CADM2: variants seen among roughly 807,000 people sequenced by gnomAD.
The protein encoded by CADM2 is cell adhesion molecule 2, also known as immunoglobulin superfamily member 4D.
Under a neutral mutation model 49.8 loss-of-function variants are expected in CADM2, and 12 were observed. The ratio of observed to expected loss-of-function variants is 0.24; its 90% CI spans 0.15 to 0.39. The LOEUF (loss-of-function observed/expected upper bound fraction) is 0.39. Among genes scored for constraint, CADM2 ranks in the 10% least tolerant of loss-of-function variants. The probability of loss-of-function intolerance (pLI) is 1.00; values close to 1 mark genes in which losing one functional copy is unlikely to be tolerated. For missense variants in CADM2, 378 were observed against 492.3 expected (o/e 0.77, Z 2.20); for synonymous variants, 214 against 175.4 (o/e 1.22, Z -1.74).
At chr3:85,123,702 C>T (rs1233376060) in intron 1 of CADM2, among the ~76,000 whole-genome samples, 1 of 151,998 alleles carries the variant, frequency 6.6e-6, no homozygotes, top group East Asian at 1.9e-4. Context: ...TATATATGTG[C>T]ACACACATAC....
chr3:85,282,356 G>A (rs1441937534), intron 1 of CADM2, among the ~76,000 whole-genome samples: 2 of 144,614 alleles, frequency 1.4e-5, no homozygotes, highest in Non-Finnish European at 3.0e-5. Context: ...CCACCTCTCT[G>A]GGTCAAGTGA....
chr3:85,305,339 T>C (rs2044188001), intron 1 of CADM2, among the ~76,000 whole-genome samples: 1 of 151,666 alleles, frequency 6.6e-6, no homozygotes, highest in East Asian at 1.9e-4. Flanking sequence ...CACATTACTC[T>C]TCTCTTTCTG....
At chr3:86,039,112 C>T (rs933231227) in intron 8 of CADM2, among the ~76,000 whole-genome samples, 9 of 152,218 alleles carry the variant, frequency 5.9e-5, no homozygotes, top group Admixed American at 3.3e-4. Flanking sequence ...CAAATAGGAA[C>T]AGCTCCAGTC....
At chr3:85,465,857 T>C (rs1420434529) in intron 1 of CADM2, among the ~76,000 whole-genome samples, 1 of 152,190 alleles carries the variant, frequency 6.6e-6, no homozygotes, top group Non-Finnish European at 1.5e-5. Context: ...GATGTTTATC[T>C]AAGCGCAGGA....
chr3:85,534,205 ATGTTAATGTT>A (rs763208684), intron 1 of CADM2, among the ~76,000 whole-genome samples: 6 of 152,172 alleles, frequency 3.9e-5, no homozygotes, highest in Admixed American at 2.0e-4. Context: ...ATTTCTTGGA[ATGTTAATGTT>A]TCCCTTAACT....
intron 2 of CADM2, among the ~76,000 whole-genome samples, chr3:85,766,246 T>C (rs905777244): frequency 7.9e-5 from 12 of 152,146 alleles, no homozygotes; most frequent in Admixed American, 7.9e-4. Flanking sequence ...AGGTGTATAA[T>C]GTACCTAGAG....
intron 1 of CADM2, among the ~76,000 whole-genome samples, chr3:85,122,549 T>A (rs1223375218): frequency 2.0e-5 from 3 of 152,170 alleles, no homozygotes; most frequent in Non-Finnish European, 4.4e-5. Flanking sequence ...ATATCTGTTT[T>A]TGAGTTTTAG....
intron 6 of CADM2, among the ~76,000 whole-genome samples, chr3:85,924,725 A>G (rs1719606391): frequency 6.6e-6 from 1 of 152,134 alleles, no homozygotes; most frequent in Admixed American, 6.5e-5. Context: ...CAACTTTATG[A>G]TAGAGACACA....
At chr3:85,452,570 C>T (rs1011234690) in intron 1 of CADM2, among the ~76,000 whole-genome samples, 3 of 151,758 alleles carry the variant, frequency 2.0e-5, no homozygotes, top group Non-Finnish European at 4.4e-5. Flanking sequence ...AAAACAACAA[C>T]AACAACAACA....
intron 8 of CADM2, chr3:86,013,761 G>T: frequency 6.3e-7 from 1 of 1,590,608 alleles, no homozygotes; most frequent in Non-Finnish European, 8.6e-7. Flanking sequence ...AATTTTGGCT[G>T]TGAAATTTCA....
At chr3:85,371,329 T>C (rs527312728) in intron 1 of CADM2, among the ~76,000 whole-genome samples, 1 of 152,174 alleles carries the variant, frequency 6.6e-6, no homozygotes, top group African/African-American at 2.4e-5. Context: ...AGGTACAATT[T>C]TTAATCCATT....
chr3:86,005,703 T>A (rs9985228), intron 8 of CADM2, among the ~76,000 whole-genome samples: 90,394 of 151,612 alleles, frequency 0.6, 27,061 homozygotes, highest in East Asian at 0.69. Flanking sequence ...AGTTACAAAC[T>A]ATTCAATTAT....
intron 1 of CADM2, among the ~76,000 whole-genome samples, chr3:85,306,518 G>A (rs983971385): frequency 6.6e-6 from 1 of 151,582 alleles, no homozygotes; most frequent in Non-Finnish European, 1.5e-5. Flanking sequence ...TAATTCTAAA[G>A]CCTTTTGACA....
chr3:85,117,832 A>G (rs150006962), intron 1 of CADM2, among the ~76,000 whole-genome samples: 24 of 152,232 alleles, frequency 1.6e-4, no homozygotes, highest in African/African-American at 4.8e-4. Flanking sequence ...TGTGGAGCCA[A>G]TGGGCATTAT....
At chr3:85,330,990 A>C (rs2044906924) in intron 1 of CADM2, among the ~76,000 whole-genome samples, 1 of 152,074 alleles carries the variant, frequency 6.6e-6, no homozygotes, top group African/African-American at 2.4e-5. Context: ...TTTTTTATTT[A>C]GAACGTTTAT....
At chr3:85,550,892 CT>C (rs1434437484) in intron 1 of CADM2, among the ~76,000 whole-genome samples, 2 of 152,156 alleles carry the variant, frequency 1.3e-5, no homozygotes, top group African/African-American at 4.8e-5. Flanking sequence ...TTGTACATGG[CT>C]TTCCCAAATT....
chr3:85,965,573 T>C (rs987092624), intron 8 of CADM2, among the ~76,000 whole-genome samples: 1 of 151,404 alleles, frequency 6.6e-6, no homozygotes, highest in Admixed American at 6.6e-5. Context: ...TATTGAAAAA[T>C]GAGAAAACTC....
At chr3:85,525,318 C>A (rs2061137522) in intron 1 of CADM2, among the ~76,000 whole-genome samples, 1 of 152,124 alleles carries the variant, frequency 6.6e-6, no homozygotes, top group African/African-American at 2.4e-5. Context: ...AATCAGTAAA[C>A]CAATCATGCT....
intron 1 of CADM2, among the ~76,000 whole-genome samples, chr3:85,317,368 A>C (rs1174689898): frequency 6.6e-6 from 1 of 152,182 alleles, no homozygotes; most frequent in Non-Finnish European, 1.5e-5. Context: ...TGAAACTCTT[A>C]TGGGAGAAAA....
Sources: gnomAD v4.1 joint callset for allele counts (sites outside exome capture counted in the v4.1 genomes callset) on GRCh38, gnomAD v4.1.1 for gene constraint, MANE v1.5 for transcripts, NCBI Gene and HGNC (gene_info 2026-07-23, HGNC 2026-07-21) for gene names.